The following CDC40 variants were observed in gnomAD, a reference collection of about 807,000 sequenced individuals.
CDC40 encodes the protein pre-mRNA-processing factor 17.
In CDC40, 27 loss-of-function variants were observed where a neutral mutation model predicts 80.6. That is an observed-to-expected ratio of 0.33 (90% CI 0.25 to 0.46). The LOEUF (loss-of-function observed/expected upper bound fraction) is 0.46, where lower values mean the gene tolerates loss of function less well. Ranked by LOEUF, CDC40 falls within the 20% of genes least tolerant of loss-of-function variation. The pLI, the probability that CDC40 is intolerant of heterozygous loss-of-function variation, is 1.00. For missense variants in CDC40, 486 were observed against 694.1 expected (o/e 0.70, Z 3.37); for synonymous variants, 221 against 232.6 (o/e 0.95, Z 0.45).
At chr6:110,199,321 G>A (rs1428980382) in intron 2 of CDC40, among the ~76,000 whole-genome samples, 31 of 151,230 alleles carry the variant, frequency 2.0e-4, no homozygotes, top group Admixed American at 1.5e-3. Context: ...GGCGGGGCGC[G>A]GTGGCTCATG....
chr6:110,210,997 C>A, intron 6 of CDC40, 194 bp downstream of exon 6: 1 of 258,302 alleles, frequency 3.9e-6, no homozygotes, highest in Non-Finnish European at 7.7e-6. Flanking sequence ...GAAAAAATAG[C>A]ATGATTAATG....
intron 13 of CDC40, among the ~76,000 whole-genome samples, chr6:110,226,605 G>T (rs1777864526): frequency 6.6e-6 from 1 of 150,406 alleles, no homozygotes; most frequent in Non-Finnish European, 1.5e-5. Flanking sequence ...TCGAGACAGG[G>T]TCTCCCTTTG....
At chr6:110,186,437 T>A (rs1429292284) in intron 1 of CDC40, among the ~76,000 whole-genome samples, 1 of 151,994 alleles carries the variant, frequency 6.6e-6, no homozygotes, top group Non-Finnish European at 1.5e-5. Context: ...TGAGCCAGAA[T>A]CACGCCACTG....
At chr6:110,219,590 C>A (rs1314649901) in intron 11 of CDC40, 111 bp downstream of exon 11, 5 of 1,111,060 alleles carry the variant, frequency 4.5e-6, no homozygotes, top group Non-Finnish European at 6.7e-6. Flanking sequence ...CTTTTAGGGA[C>A]GGCTAATGCA....
intron 4 of CDC40, among the ~76,000 whole-genome samples, chr6:110,208,499 G>A (rs1374922963): frequency 1.3e-5 from 2 of 152,046 alleles, no homozygotes; most frequent in Non-Finnish European, 1.5e-5. Flanking sequence ...TACTGTTAAC[G>A]TTAATGATAT....
chr6:110,185,400 G>A (rs1027430005), intron 1 of CDC40, among the ~76,000 whole-genome samples: 1 of 151,348 alleles, frequency 6.6e-6, no homozygotes, highest in Middle Eastern at 3.4e-3. Context: ...CCGCCACTAC[G>A]CCCGGCTAAT....
intron 3 of CDC40, among the ~76,000 whole-genome samples, chr6:110,204,062 G>C (rs1167947528): frequency 6.6e-6 from 1 of 152,024 alleles, no homozygotes; most frequent in African/African-American, 2.4e-5. Context: ...GCCCAGGCTG[G>C]AGTGCAGTGG....
intron 12 of CDC40, among the ~76,000 whole-genome samples, chr6:110,222,845 T>C (rs1021812628): frequency 2.0e-5 from 3 of 152,260 alleles, no homozygotes; most frequent in African/African-American, 7.2e-5. Context: ...GAAGTCATTA[T>C]TGGTGTAATT....
rs1483954033 is a variant in CDC40, at chr6:110,180,644, T to C, written c.189+11T>C. 2 of 1,599,922 alleles carry C rather than the reference T, an allele frequency of 1.3e-6. No individual in the cohort carries two copies. Among genetic ancestry groups the C allele is most frequent in the African/African-American group, 1.3e-5 (1 of 74,636 alleles). On this transcript the variant is annotated intron_variant, in intron 1 of 14. Coordinates refer to ENST00000307731, the MANE Select transcript of CDC40 (RefSeq NM_015891.3). ...GAGGTGGCAGTTAAGGTAAGCACTTTTGCTACTAATGCAGTGTGGGAATTG... is the reference window on the plus strand; with the variant it reads ...GAGGTGGCAGTTAAGGTAAGCACTTCTGCTACTAATGCAGTGTGGGAATTG...
intron 9 of CDC40, among the ~76,000 whole-genome samples, chr6:110,216,505 G>A (rs1001242788): frequency 5.3e-5 from 8 of 152,186 alleles, no homozygotes; most frequent in Admixed American, 1.3e-4. Flanking sequence ...GATTTGGTCC[G>A]CATCTGTCTC....
In CDC40 at chr6:110,205,232, T is replaced by A. The variant is rs554251261; in HGVS notation, c.407-2274T>A. 1.5e-4 allele frequency among the ~76,000 whole-genome samples: 23 copies of A among 152,122 alleles called. No homozygotes were observed. In the East Asian group the frequency reaches 4.2e-3, roughly 28 times the overall value. ...ATATTATGGCCATTTCAAATAAGAC[T>A]GCCGAAGGGAAGAAAGTAGACATTA... On this transcript the variant is annotated intron_variant, in intron 3 of 14. Transcript: ENST00000307731.
At chr6:110,188,273 G>A (rs762980377) in intron 1 of CDC40, among the ~76,000 whole-genome samples, 2 of 152,206 alleles carry the variant, frequency 1.3e-5, no homozygotes, top group Admixed American at 1.3e-4. Context: ...AGATATGAAT[G>A]TGGCTAAGCC....
intron 12 of CDC40, among the ~76,000 whole-genome samples, chr6:110,221,259 C>CT (rs1777772507): frequency 6.6e-6 from 1 of 152,176 alleles, no homozygotes; most frequent in Non-Finnish European, 1.5e-5. Flanking sequence ...AAAAGTGTGT[C>CT]TTTCCATCCC....
At chr6:110,224,413 G>GCT (rs1348979052) in intron 12 of CDC40, 1 of 152,060 alleles carries the variant, frequency 6.6e-6, no homozygotes, top group East Asian at 1.9e-4. Flanking sequence ...ATGGAGTCTT[G>GCT]CTCTGTCACC....
chr6:110,222,738 G>T (rs1777794445), intron 12 of CDC40, among the ~76,000 whole-genome samples: 1 of 152,212 alleles, frequency 6.6e-6, no homozygotes, highest in South Asian at 2.1e-4. Flanking sequence ...TCTCTTTCCT[G>T]ACAAGTTCTT....
rs775858350 is a variant in CDC40, at chr6:110,201,685, A to G, written c.404A>G (p.Tyr135Cys). 3 of 1,613,278 alleles carry G rather than the reference A, an allele frequency of 1.9e-6. No homozygotes were observed. In the South Asian group the frequency reaches 3.3e-5, roughly 18 times the overall value. ...FEQQRRTFAT[Y>C]GYALDPSLDN... ...CAGCAAAGGAGAACTTTTGCAACAT[A>G]TGGTAAGGTGATAAGACTTAAGCAG... Residue 135 changes from tyrosine (Y) to cysteine (C), a missense_variant and splice_region_variant, in exon 3 of 15, where the codon TAT (tyrosine) becomes TGT (cysteine). Transcript: ENST00000307731.
At position 110,232,200 on chromosome 6, in the gene CDC40, A is replaced by T. The variant is rs1227636233; in HGVS notation, c.*2069A>T. 6.6e-6 allele frequency: 1 copy of T among 152,646 alleles called. No homozygotes were observed. The highest frequency in any genetic ancestry group is 1.9e-4 in the East Asian group (1 of 5,208). 9.5% of individuals were successfully genotyped at this position (152,646 alleles called of 1,614,324 possible). On this transcript the variant is annotated 3_prime_UTR_variant, in exon 15 of 15. Coordinates refer to ENST00000307731, the MANE Select transcript of CDC40 (RefSeq NM_015891.3). Reference sequence around the variant, plus strand: ...CTTTTTAAAAAGATCATATTTTTAAATAAAGCATTTTTTGTAGAAAGTGCT... The same window carrying T: ...CTTTTTAAAAAGATCATATTTTTAATTAAAGCATTTTTTGTAGAAAGTGCT...
chr6:110,206,284 A>G (rs1412732227), intron 3 of CDC40, among the ~76,000 whole-genome samples: 1 of 152,156 alleles, frequency 6.6e-6, no homozygotes, highest in East Asian at 1.9e-4. Flanking sequence ...ACTACTTTGG[A>G]TGAAAAATGA....
intron 12 of CDC40, among the ~76,000 whole-genome samples, chr6:110,225,567 C>T (rs1172654842): frequency 6.6e-6 from 1 of 151,192 alleles, no homozygotes; most frequent in African/African-American, 2.4e-5. Context: ...ATCATCATTT[C>T]TGGATGGGCT....
Sources: allele counts gnomAD v4.1 joint callset (sites outside exome capture counted in the v4.1 genomes callset), GRCh38; gene constraint gnomAD v4.1.1; transcripts MANE v1.5; gene names NCBI Gene and HGNC (gene_info 2026-07-23, HGNC 2026-07-21).